Variants in LAMC3 observed in about 807,000 individuals in gnomAD.
The protein encoded by LAMC3 is laminin subunit gamma 3.
In LAMC3, 128 loss-of-function variants were observed where a neutral mutation model predicts 173.8. That is an observed-to-expected ratio of 0.74 (90% confidence interval 0.64 to 0.85). The LOEUF is 0.85. Ranked by LOEUF, LAMC3 falls within the 40% of genes least tolerant of loss-of-function variation. LAMC3 has a pLI of 0.00. For synonymous variants in LAMC3, 897 were observed against 909.1 expected, an observed-to-expected ratio of 0.99 and a Z score of 0.24; for missense variants, 2,022 against 2,156.0, an observed-to-expected ratio of 0.94 and a Z score of 1.23.
chr9:131,079,460 C>T (rs373296085), intron 23 of LAMC3, among the ~76,000 whole-genome samples, 162 bp downstream of exon 23: 23 of 152,138 alleles, frequency 1.5e-4, no homozygotes, highest in African/African-American at 5.3e-4. Context: ...TTTGGGAGGC[C>T]GAGACGGGTG....
chr9:131,041,675 G>A lies in LAMC3; in HGVS notation c.1322G>A (p.Cys441Tyr). 3.7e-6 allele frequency: 6 copies of A among 1,614,150 alleles called. No individual in the cohort carries two copies. The highest frequency in any genetic ancestry group is 4.2e-6 in the Non-Finnish European group (5 of 1,180,036). ...AATCCCGCTGGCAGCCTGGACACCT[G>A]TGACCCCCGCAGTGGGCGCTGCCCC... ...TCNPAGSLDT[C>Y]DPRSGRCPCK... Residue 441 changes from cysteine (C) to tyrosine (Y), a missense_variant, in exon 7 of 28, where the codon TGT (cysteine) becomes TAT (tyrosine). Transcript: ENST00000361069.
intron 25 of LAMC3, 184 bp downstream of exon 25, chr9:131,085,907 T>C: frequency 1.5e-6 from 1 of 684,982 alleles, no homozygotes; most frequent in Non-Finnish European, 2.7e-6. Context: ...TAGGTGTCAT[T>C]GCTGTCCCCA....
At chr9:131,052,788 C>T in intron 10 of LAMC3, 62 bp from the exon 11 acceptor site, 1 of 1,234,888 alleles carries the variant, frequency 8.1e-7, no homozygotes, top group Non-Finnish European at 1.2e-6. Flanking sequence ...TACCCCCCAT[C>T]CCCAGGCATG....
intron 3 of LAMC3, among the ~76,000 whole-genome samples, chr9:131,032,729 T>G (rs978691976): frequency 6.6e-6 from 1 of 152,100 alleles, no homozygotes; most frequent in African/African-American, 2.4e-5. Flanking sequence ...AGTGCAGTGG[T>G]GCAATCTCAG....
intron 24 of LAMC3, among the ~76,000 whole-genome samples, chr9:131,084,866 T>C (rs1830302606): frequency 6.7e-6 from 1 of 150,214 alleles, no homozygotes. Flanking sequence ...TCCACTGCAC[T>C]CCAGCCTGGG....
intron 7 of LAMC3, 105 bp downstream of exon 7, chr9:131,041,840 CATGG>C: frequency 1.0e-6 from 1 of 963,144 alleles, no homozygotes; most frequent in Non-Finnish European, 1.6e-6. Context: ...GCACGGTCTT[CATGG>C]ACTTGGGTGA....
chr9:131,072,848 AC>A lies in LAMC3; in HGVS notation c.3417+19del, dbSNP rs759593614. On this transcript the variant is annotated intron_variant, in intron 19 of 27. Coordinates refer to ENST00000361069, the MANE Select transcript of LAMC3 (RefSeq NM_006059.4). ...TCTCGCGTCTCTGGTATCCCAGGGG[AC>A]CCCCCTACCCGAACACACCAAACCT... is the stretch of plus-strand genomic sequence containing the variant. 6 of 1,602,238 alleles carry A rather than the reference AC, an allele frequency of 3.7e-6. No individual in the cohort carries two copies. Among genetic ancestry groups the A allele is most frequent in the East Asian group, 2.2e-5 (1 of 44,614 alleles).
At position 131,061,127 on chromosome 9, in the gene LAMC3, G is replaced by T. The variant is rs749114435; in HGVS notation, c.2251G>T (p.Asp751Tyr). The change falls in exon 13 of 28, where the codon GAC (aspartate) becomes TAC (tyrosine). Residue 751 changes from aspartate (D) to tyrosine (Y), a missense_variant. Asp to Tyr is a radical substitution (Grantham distance 160). Transcript: ENST00000361069. The stretch of plus-strand genomic sequence containing the variant: ...CAACCCTTTCGCGGGCCAAGCCGAC[G>T]ACTGCCAGCCCTGTCCCTGCCCTGG... ...YGNPFAGQADDCQPCPCPGQS... is the reference protein window; with the variant it reads ...YGNPFAGQADYCQPCPCPGQS... 6.2e-7 allele frequency: 1 copy of T among 1,613,626 alleles called. No homozygotes were observed. The highest frequency in any genetic ancestry group is 8.5e-7 in the Non-Finnish European group (1 of 1,180,030).
chr9:131,018,336 T>C (rs965209303), intron 1 of LAMC3, among the ~76,000 whole-genome samples: 3 of 151,988 alleles, frequency 2.0e-5, no homozygotes, highest in Non-Finnish European at 4.4e-5. Flanking sequence ...GGTTTCACCA[T>C]GTTGCCCAGG....
At chr9:131,081,842 T>G (rs1830248266) in intron 23 of LAMC3, among the ~76,000 whole-genome samples, 3 of 152,240 alleles carry the variant, frequency 2.0e-5, no homozygotes, top group South Asian at 4.1e-4. Context: ...TTAGTTTTCC[T>G]CCGGGCTTTT....
intron 2 of LAMC3, among the ~76,000 whole-genome samples, chr9:131,027,884 C>A (rs903431223): frequency 6.6e-6 from 1 of 152,238 alleles, no homozygotes. Context: ...CCACGTAGGT[C>A]CACCCAGGTG....
chr9:131,015,133 G>A (rs772283656), intron 1 of LAMC3, among the ~76,000 whole-genome samples: 4 of 152,286 alleles, frequency 2.6e-5, no homozygotes, highest in Middle Eastern at 3.4e-3. Context: ...CAGTGAACCC[G>A]AGGGAGTTCA....
chr9:131,014,440 C>T (rs185630177), intron 1 of LAMC3, among the ~76,000 whole-genome samples: 13 of 152,372 alleles, frequency 8.5e-5, no homozygotes, highest in African/African-American at 3.1e-4. Context: ...GAAAACCCCT[C>T]ACCCCTCTAA....
Position 131,032,095 on chromosome 9 carries a change from G to A in LAMC3, c.729G>A (p.Thr243=), listed in dbSNP as rs191987262. Reference sequence around the variant, plus strand: ...TCATCTCTCTAGACCGGCTCAACACGTTTGGGGACGACATCTTCAAGGACC... The same window carrying A: ...TCATCTCTCTAGACCGGCTCAACACATTTGGGGACGACATCTTCAAGGACC... ...ELLISLDRLN[T]FGDDIFKDPK... is the part of the protein sequence containing the mutation. The change falls in exon 3 of 28, where the codon ACG becomes ACA. Residue 243 remains threonine, a synonymous_variant. Coordinates refer to ENST00000361069, the MANE Select transcript of LAMC3 (RefSeq NM_006059.4). 30 of 1,613,950 alleles carry A rather than the reference G, an allele frequency of 1.9e-5. 1 individual carries two copies. Among genetic ancestry groups the A allele is most frequent in the East Asian group, 1.3e-4 (6 of 44,884 alleles).
chr9:131,019,897 C>T (rs1343435829), intron 1 of LAMC3, among the ~76,000 whole-genome samples: 5 of 151,882 alleles, frequency 3.3e-5, no homozygotes, highest in East Asian at 1.9e-4. Context: ...GGCCGGGCCC[C>T]GCACCGCCCA....
In LAMC3 at chr9:131,009,182, C is replaced by T. The variant is rs1304800697; in HGVS notation, c.-33C>T. 2 of 1,178,848 alleles carry T rather than the reference C, an allele frequency of 1.7e-6. No individual in the cohort carries two copies. Among genetic ancestry groups the T allele is most frequent in the Non-Finnish European group, 2.1e-6 (2 of 956,316 alleles). The allele number at this position is 1,178,848 out of a possible 1,614,324, so 73.0% of individuals were successfully genotyped here. On this transcript the variant is annotated 5_prime_UTR_variant, in exon 1 of 28. Transcript: ENST00000361069. This position sits in a 1 kb window ranked among gnomAD's most constrained non-coding sequence, Gnocchi z 4.3. ...CCGCGCCCACCCTAGCCGAGCGGGGCCGGCAGAGCGCGCGGCGTCGGTGCC... is the reference window on the plus strand; with the variant it reads ...CCGCGCCCACCCTAGCCGAGCGGGGTCGGCAGAGCGCGCGGCGTCGGTGCC...
chr9:131,069,137 C>A, intron 16 of LAMC3, 87 bp downstream of exon 16: 1 of 1,440,018 alleles, frequency 6.9e-7, no homozygotes, highest in Non-Finnish European at 9.7e-7. Context: ...AAAATGGGCG[C>A]AGCAGGAAAG....
chr9:131,071,396 A>T, intron 17 of LAMC3, 88 bp from the exon 18 acceptor site: 1 of 1,485,184 alleles, frequency 6.7e-7, no homozygotes, highest in Non-Finnish European at 9.3e-7. Flanking sequence ...ACCCCCAGGG[A>T]GAGTGGCAGG....
At chr9:131,087,690 A>G (rs1243667659) in intron 26 of LAMC3, 28 bp from the exon 27 acceptor site, 1 of 1,613,858 alleles carries the variant, frequency 6.2e-7, no homozygotes, top group Non-Finnish European at 8.5e-7. Flanking sequence ...ACGCCATTCA[A>G]GCTGTTTCTT....
Sources: allele counts gnomAD v4.1 joint callset (sites outside exome capture counted in the v4.1 genomes callset), GRCh38; gene constraint gnomAD v4.1.1; non-coding constraint Gnocchi (gnomAD v3.1); transcripts MANE v1.5; gene names NCBI Gene and HGNC (gene_info 2026-07-23, HGNC 2026-07-21).